The following DLG2 variants were observed in gnomAD, a reference collection of about 807,000 sequenced individuals.
The protein encoded by DLG2 is discs large MAGUK scaffold protein 2.
A neutral mutation model predicts 132.5 loss-of-function variants in DLG2; 45 were observed. The ratio of observed to expected loss-of-function variants is 0.34; its 90% CI spans 0.27 to 0.44. The LOEUF (loss-of-function observed/expected upper bound fraction) is 0.44, where lower values mean the gene tolerates loss of function less well. Among genes scored for constraint, DLG2 ranks in the 20% least tolerant of loss-of-function variants. DLG2 has a pLI of 1.00. For missense variants in DLG2, 1,045 were observed against 1,196.9 expected (o/e 0.87, Z 1.87); for synonymous variants, 424 against 419.6 (o/e 1.01, Z -0.13).
At chr11:84,395,973 T>C (rs2098809510) in intron 7 of DLG2, among the ~76,000 whole-genome samples, 1 of 152,218 alleles carries the variant, frequency 6.6e-6, no homozygotes, top group South Asian at 2.1e-4. Flanking sequence ...CTTTCACATA[T>C]TTTCCCCTAT....
At chr11:84,958,464 A>G (rs925826744) in intron 6 of DLG2, among the ~76,000 whole-genome samples, 20 of 152,228 alleles carry the variant, frequency 1.3e-4, no homozygotes, top group African/African-American at 4.3e-4. Flanking sequence ...TTCTTGGAAC[A>G]TAGGGCTTCC....
intron 3 of DLG2, among the ~76,000 whole-genome samples, chr11:85,389,022 TA>T: frequency 6.6e-6 from 1 of 152,004 alleles, no homozygotes. Context: ...TGCCAAAATA[TA>T]AAAAATTAAG....
Position 83,470,365 on chromosome 11 carries a change from ATC to A in DLG2, c.2447-994_2447-993del, listed in dbSNP as rs1357087413. Among the ~76,000 whole-genome samples the A allele has an allele frequency of 4.6e-5, 7 of 152,280 alleles. No individual in the cohort carries two copies. In the East Asian group the frequency reaches 1.4e-3, roughly 29 times the overall value. On this transcript the variant is annotated intron_variant, in intron 24 of 27. Coordinates refer to ENST00000376104, the MANE Select transcript of DLG2 (RefSeq NM_001142699.3). ...GTACAAAAATATTAACAATGATGTT[ATC>A]TCTGGGTATTGTGTGGGATTTTGTA...
At chr11:84,618,521 G>A (rs755105099) in intron 6 of DLG2, among the ~76,000 whole-genome samples, 4 of 152,030 alleles carry the variant, frequency 2.6e-5, no homozygotes, top group Admixed American at 6.6e-5. Flanking sequence ...AAAGTGGGCT[G>A]TAGCAAAATG....
rs1048773028 is a variant in DLG2, at chr11:85,249,578, T to C, written c.186+35642A>G. Among the ~76,000 whole-genome samples, 11 of 152,050 alleles carry C rather than the reference T, an allele frequency of 7.2e-5. 1 individual carries two copies. The highest frequency in any genetic ancestry group is 2.7e-4 in the African/African-American group (11 of 41,434). On this transcript the variant is annotated intron_variant, in intron 4 of 27. Transcript: ENST00000376104. ...CTGAGTTGAGAGTGCTGAGAACAAGTATCAAACTGAAATGAAGAAAGAGGC... is the reference window on the plus strand; with the variant it reads ...CTGAGTTGAGAGTGCTGAGAACAAGCATCAAACTGAAATGAAGAAAGAGGC...
At chr11:84,854,084 A>T (rs1021762159) in intron 6 of DLG2, among the ~76,000 whole-genome samples, 13 of 152,018 alleles carry the variant, frequency 8.6e-5, no homozygotes, top group African/African-American at 3.1e-4. Context: ...GCCATTGCTT[A>T]TATGTTGACA....
At chr11:85,488,715 A>G (rs970942951) in intron 3 of DLG2, among the ~76,000 whole-genome samples, 3 of 152,218 alleles carry the variant, frequency 2.0e-5, no homozygotes, top group East Asian at 1.9e-4. Flanking sequence ...CAAAGTGCTG[A>G]AAGAAAACAA....
At chr11:84,163,402 T>A in intron 9 of DLG2, 59 bp downstream of exon 9, 2 of 1,460,254 alleles carry the variant, frequency 1.4e-6, no homozygotes. Flanking sequence ...CTCATTAAGA[T>A]TAGAATAGAA....
intron 3 of DLG2, among the ~76,000 whole-genome samples, chr11:85,387,504 T>A (rs2086443223): frequency 6.6e-6 from 1 of 152,186 alleles, no homozygotes; most frequent in African/African-American, 2.4e-5. Flanking sequence ...AAAAGTAAGT[T>A]TGAGGAAGGG....
At chr11:83,688,065 GAGA>G (rs2080146823) in intron 18 of DLG2, among the ~76,000 whole-genome samples, 4 of 151,786 alleles carry the variant, frequency 2.6e-5, no homozygotes, top group Admixed American at 6.6e-5. Context: ...ACTTGGTAGA[GAGA>G]AGAAGCTGTG....
rs141284650 is a variant in DLG2 at position 84,026,828 on chromosome 11, T to C, written c.919+32487A>G. Among the ~76,000 whole-genome samples, 315 of 152,242 alleles carry C rather than the reference T, an allele frequency of 2.1e-3. 4 individuals carry two copies. The East Asian group carries it at 0.039, about 19-fold the overall frequency. Reference sequence around the variant, plus strand: ...TCACTATTTTTTAAATTTGTGAACTTGGGAAAATTGTTAAATCTTTTAATT... The same window carrying C: ...TCACTATTTTTTAAATTTGTGAACTCGGGAAAATTGTTAAATCTTTTAATT... On this transcript the variant is annotated intron_variant, in intron 11 of 27. Coordinates refer to ENST00000376104, the MANE Select transcript of DLG2 (RefSeq NM_001142699.3).
chr11:85,019,715 G>C (rs534206645), intron 6 of DLG2, among the ~76,000 whole-genome samples: 1 of 152,210 alleles, frequency 6.6e-6, no homozygotes, highest in South Asian at 2.1e-4. Flanking sequence ...GAGAACATGC[G>C]GTGTTTGGTT....
intron 18 of DLG2, among the ~76,000 whole-genome samples, chr11:83,757,351 A>G (rs906891546): frequency 2.6e-5 from 4 of 152,216 alleles, no homozygotes; most frequent in African/African-American, 9.6e-5. Flanking sequence ...GGTTCTACTG[A>G]GTGGAGACTG....
chr11:84,589,818 C>G (rs2099538666), intron 6 of DLG2, among the ~76,000 whole-genome samples: 1 of 152,120 alleles, frequency 6.6e-6, no homozygotes, highest in Non-Finnish European at 1.5e-5. Flanking sequence ...ACAATTGTCC[C>G]AAATCACCAA....
At chr11:84,791,506 A>G (rs980414234) in intron 6 of DLG2, among the ~76,000 whole-genome samples, 1 of 152,158 alleles carries the variant, frequency 6.6e-6, no homozygotes, top group Non-Finnish European at 1.5e-5. Context: ...TAGGGATTGC[A>G]TTGAATCTGT....
At chr11:85,094,920 A>G (rs1396698565) in intron 6 of DLG2, among the ~76,000 whole-genome samples, 3 of 152,186 alleles carry the variant, frequency 2.0e-5, no homozygotes, top group Non-Finnish European at 4.4e-5. Flanking sequence ...TTTGATTGAA[A>G]GTGAGAGAAG....
intron 7 of DLG2, among the ~76,000 whole-genome samples, chr11:84,413,107 C>T (rs2098915608): frequency 6.6e-6 from 1 of 152,180 alleles, no homozygotes; most frequent in Non-Finnish European, 1.5e-5. Context: ...TAGTTAGGCT[C>T]ATAGACTCAG....
intron 8 of DLG2, among the ~76,000 whole-genome samples, chr11:84,168,085 G>A (rs1388502176): frequency 6.6e-6 from 1 of 152,200 alleles, no homozygotes; most frequent in Non-Finnish European, 1.5e-5. Context: ...CAATTATTAA[G>A]CATGCATAAA....
intron 19 of DLG2, among the ~76,000 whole-genome samples, chr11:83,594,596 A>G (rs1206051343): frequency 1.3e-5 from 2 of 152,204 alleles, no homozygotes; most frequent in African/African-American, 4.8e-5. Flanking sequence ...AAATACAGGG[A>G]AAACTATCTA....
Sources: gnomAD v4.1 joint callset for allele counts (sites outside exome capture counted in the v4.1 genomes callset) on GRCh38, gnomAD v4.1.1 for gene constraint, MANE v1.5 for transcripts, NCBI Gene and HGNC (gene_info 2026-07-23, HGNC 2026-07-21) for gene names.